The following CNTN3 variants were observed in gnomAD, a reference collection of about 807,000 sequenced individuals.
CNTN3 encodes the protein contactin 3.
In CNTN3, 60 loss-of-function variants were observed where a neutral mutation model predicts 119.1. The observed-to-expected ratio is 0.50, with a 90% CI of 0.41 to 0.62. The LOEUF (loss-of-function observed/expected upper bound fraction) is 0.62, where lower values mean the gene tolerates loss of function less well. Among genes scored for constraint, CNTN3 ranks in the 20% least tolerant of loss-of-function variants. CNTN3 has a pLI of 0.00. For missense variants in CNTN3, 1,101 were observed against 1,242.4 expected, an observed-to-expected ratio of 0.89 and a Z score of 1.71; for synonymous variants, 450 against 438.7, an observed-to-expected ratio of 1.03 and a Z score of -0.32.
chr3:74,437,436 T>C (rs1701887166), intron 4 of CNTN3, among the ~76,000 whole-genome samples: 1 of 151,952 alleles, frequency 6.6e-6, no homozygotes, highest in South Asian at 2.1e-4. Flanking sequence ...CACTCCAACC[T>C]GGGTGACAGC....
At chr3:74,593,819 C>A (rs1044038758) in intron 1 of CNTN3, among the ~76,000 whole-genome samples, 3 of 151,898 alleles carry the variant, frequency 2.0e-5, no homozygotes, top group African/African-American at 7.3e-5. Flanking sequence ...GTGAGAAATG[C>A]CTCACGGACT....
intron 1 of CNTN3, among the ~76,000 whole-genome samples, chr3:74,588,071 G>A (rs1455777930): frequency 1.3e-5 from 2 of 151,994 alleles, no homozygotes; most frequent in African/African-American, 2.4e-5. Context: ...TTTGTCTTTG[G>A]TTCTGTTTAT....
intron 5 of CNTN3, among the ~76,000 whole-genome samples, chr3:74,417,021 T>C (rs952576477): frequency 2.0e-5 from 3 of 151,552 alleles, no homozygotes; most frequent in Non-Finnish European, 2.9e-5. Context: ...GCAACAGACC[T>C]AGGTGCCCAA....
chr3:74,582,263 G>T (rs1388103021), intron 1 of CNTN3, among the ~76,000 whole-genome samples: 1 of 152,048 alleles, frequency 6.6e-6, no homozygotes, highest in East Asian at 1.9e-4. Flanking sequence ...AAAATTAGCT[G>T]GGTATGGTGG....
chr3:74,385,720 T>G (rs997807765), intron 5 of CNTN3, among the ~76,000 whole-genome samples: 18 of 152,206 alleles, frequency 1.2e-4, no homozygotes, highest in Non-Finnish European at 2.6e-4. Context: ...CCACAAGGAT[T>G]AGGTAATCCA....
At chr3:74,516,993 T>TC (rs748320864) in intron 2 of CNTN3, among the ~76,000 whole-genome samples, 15 of 151,846 alleles carry the variant, frequency 9.9e-5, no homozygotes, top group Admixed American at 8.6e-4. Flanking sequence ...TGGCCACAGT[T>TC]CCTGCTTCTA....
intron 1 of CNTN3, among the ~76,000 whole-genome samples, chr3:74,566,969 A>C (rs1704234572): frequency 6.6e-6 from 1 of 152,052 alleles, no homozygotes; most frequent in Admixed American, 6.6e-5. Context: ...GAATCCAATT[A>C]GAATTTCAGG....
intron 1 of CNTN3, among the ~76,000 whole-genome samples, chr3:74,585,437 T>C (rs538150649): frequency 6.1e-4 from 93 of 152,306 alleles, no homozygotes; most frequent in Middle Eastern, 6.8e-3. Flanking sequence ...ATTAACCATT[T>C]ATTGACATTT....
intron 13 of CNTN3, among the ~76,000 whole-genome samples, chr3:74,327,496 C>T (rs1350981003): frequency 6.6e-6 from 1 of 152,046 alleles, no homozygotes; most frequent in East Asian, 1.9e-4. Flanking sequence ...TTACTGTATT[C>T]ATGTGATCAG....
At chr3:74,349,087 T>C (rs1361491060) in intron 11 of CNTN3, among the ~76,000 whole-genome samples, 1 of 137,726 alleles carries the variant, frequency 7.3e-6, no homozygotes, top group Non-Finnish European at 1.6e-5. Context: ...CCCTGTCTCT[T>C]AAAAAAAAAA....
intron 3 of CNTN3, among the ~76,000 whole-genome samples, chr3:74,495,473 CAT>C (rs1163158641): frequency 6.6e-6 from 1 of 151,958 alleles, no homozygotes; most frequent in Non-Finnish European, 1.5e-5. Flanking sequence ...ACAGCATACA[CAT>C]AGTGTGTGTA....
At chr3:74,558,764 A>T (rs1704107664) in intron 1 of CNTN3, among the ~76,000 whole-genome samples, 1 of 151,982 alleles carries the variant, frequency 6.6e-6, no homozygotes. Context: ...GGCAAATCAC[A>T]TGAGGCCAGG....
At chr3:74,312,741 C>T (rs1304605408) in intron 13 of CNTN3, among the ~76,000 whole-genome samples, 1 of 151,994 alleles carries the variant, frequency 6.6e-6, no homozygotes, top group East Asian at 1.9e-4. Flanking sequence ...TGTGGCAGTC[C>T]CTTTTACCCA....
At chr3:74,419,573 G>C (rs1701585346) in intron 5 of CNTN3, among the ~76,000 whole-genome samples, 1 of 152,062 alleles carries the variant, frequency 6.6e-6, no homozygotes, top group African/African-American at 2.4e-5. Flanking sequence ...TCCATCCCAA[G>C]GGCTATGTTG....
intron 4 of CNTN3, among the ~76,000 whole-genome samples, chr3:74,447,301 G>C (rs766857444): frequency 5.9e-5 from 9 of 152,130 alleles, no homozygotes; most frequent in Non-Finnish European, 1.0e-4. Flanking sequence ...ATCCAGCAGG[G>C]AGGAAGCCAG....
intron 4 of CNTN3, among the ~76,000 whole-genome samples, chr3:74,479,134 G>A (rs770486946): frequency 2.0e-5 from 3 of 151,910 alleles, no homozygotes; most frequent in African/African-American, 7.3e-5. Flanking sequence ...GGTTCAAGAT[G>A]CAAGTAATAA....
chr3:74,578,314 T>G (rs1336230343), intron 1 of CNTN3, among the ~76,000 whole-genome samples: 1 of 152,062 alleles, frequency 6.6e-6, no homozygotes, highest in Non-Finnish European at 1.5e-5. Flanking sequence ...GTCCAATGTT[T>G]CTCCACTGTT....
intron 11 of CNTN3, among the ~76,000 whole-genome samples, chr3:74,344,465 C>A (rs1256272773): frequency 8.5e-6 from 1 of 117,394 alleles, no homozygotes; most frequent in Non-Finnish European, 1.6e-5. Flanking sequence ...TCACTCTGTC[C>A]CCCAGGCTGG....
At chr3:74,516,604 G>A (rs1326433179) in intron 2 of CNTN3, among the ~76,000 whole-genome samples, 5 of 150,514 alleles carry the variant, frequency 3.3e-5, no homozygotes, top group African/African-American at 1.0e-4. Context: ...AAGTTTTGGG[G>A]GAGTTAAAAG....
Sources: allele counts gnomAD v4.1 joint callset (sites outside exome capture counted in the v4.1 genomes callset), GRCh38; gene constraint gnomAD v4.1.1; transcripts MANE v1.5; gene names NCBI Gene and HGNC (gene_info 2026-07-23, HGNC 2026-07-21).